Variants in LHX4 observed in about 807,000 individuals in gnomAD.
LHX4 encodes the protein LIM/homeobox protein Lhx4.
In LHX4, 16 loss-of-function variants were observed where a neutral mutation model predicts 39.2. That is an observed-to-expected ratio of 0.41 (90% CI 0.28 to 0.62). LHX4 has a LOEUF of 0.62. LHX4 is among the 20% of genes least tolerant of loss of function. The pLI is 0.33. For synonymous variants in LHX4, 206 were observed against 198.1 expected (o/e 1.04, Z -0.33); for missense variants, 439 against 511.9 (o/e 0.86, Z 1.37).
chr1:180,243,986 A>G (rs370746406), intron 1 of LHX4, among the ~76,000 whole-genome samples: 2 of 152,194 alleles, frequency 1.3e-5, no homozygotes, highest in East Asian at 3.9e-4. Context: ...AGCACAGTCT[A>G]TTGGTTGGAA....
intron 2 of LHX4, 138 bp downstream of exon 2, chr1:180,248,594 G>A: frequency 1.1e-6 from 1 of 896,150 alleles, no homozygotes; most frequent in Admixed American, 2.0e-5. Flanking sequence ...CTGGAGCTGA[G>A]AGGATGCCCC....
rs1007592830 is a variant in LHX4 at position 180,266,676 on chromosome 1, C to T, written c.451+82C>T. ...TCTGCCTGAGGTGCCCTTCTCATGG[C>T]GTCCCACCTGCCCATCCCTCAGAGC... On this transcript the variant is annotated intron_variant, in intron 3 of 5. Transcript: ENST00000263726. The surrounding 1 kb of genome is among the most constrained non-coding windows in gnomAD (Gnocchi z 5.7). 28 of 1,356,642 alleles carry T rather than the reference C, an allele frequency of 2.1e-5. No individual in the cohort carries two copies. The highest frequency in any genetic ancestry group is 1.5e-4 in the East Asian group (6 of 40,488). 84.0% of individuals were successfully genotyped at this position (1,356,642 alleles called of 1,614,324 possible).
At chr1:180,238,049 A>G (rs1208010191) in intron 1 of LHX4, among the ~76,000 whole-genome samples, 2 of 152,230 alleles carry the variant, frequency 1.3e-5, no homozygotes, top group African/African-American at 2.4e-5. Context: ...TTACGTGACA[A>G]TATATCACCT....
chr1:180,256,129 G>C (rs1314142879), intron 2 of LHX4, among the ~76,000 whole-genome samples: 2 of 152,216 alleles, frequency 1.3e-5, no homozygotes, highest in African/African-American at 4.8e-5. Flanking sequence ...TGCAGCCTCT[G>C]TGCCTTCAGG....
chr1:180,268,219 G>T (rs1648411933), intron 3 of LHX4, among the ~76,000 whole-genome samples: 1 of 152,180 alleles, frequency 6.6e-6, no homozygotes, highest in Non-Finnish European at 1.5e-5. Flanking sequence ...GACACCTTTG[G>T]AAGTCTAGTG....
At chr1:180,229,444 C>T (rs955283786), upstream of LHX4, among the ~76,000 whole-genome samples, 4 of 152,138 alleles carry the variant, frequency 2.6e-5, no homozygotes, top group African/African-American at 4.8e-5. Flanking sequence ...TGCGTCCCGC[C>T]ACCTCCGCGC....
In LHX4 at chr1:180,277,716, TTC is replaced by T. The variant is rs1206307873; in HGVS notation, c.*3141_*3142del. 1 of 152,200 alleles carries T rather than the reference TTC, an allele frequency of 6.6e-6. No individual in the cohort carries two copies. Among genetic ancestry groups the T allele is most frequent in the Non-Finnish European group, 1.5e-5 (1 of 68,044 alleles). 9.4% of individuals were successfully genotyped at this position (152,200 alleles called of 1,614,324 possible). ...GCAAATTCCTCTCAGTCTTTGTGCT[TTC>T]TCTTTCTTGTCTCATCTGACAGTTA... On this transcript the variant is annotated 3_prime_UTR_variant, in exon 6 of 6. Coordinates refer to ENST00000263726, the MANE Select transcript of LHX4 (RefSeq NM_033343.4).
intron 3 of LHX4, chr1:180,271,141 A>G: frequency 1.7e-6 from 1 of 577,718 alleles, no homozygotes; most frequent in South Asian, 1.9e-5. Flanking sequence ...GGGTTGAGGC[A>G]GGGAGCTGAG....
chr1:180,236,113 G>C (rs540661340), intron 1 of LHX4, among the ~76,000 whole-genome samples: 5 of 151,608 alleles, frequency 3.3e-5, no homozygotes, highest in Non-Finnish European at 7.4e-5. Flanking sequence ...TGAGGATTAG[G>C]GTAACGCGAG....
chr1:180,236,681 G>A (rs1333650110), intron 1 of LHX4, among the ~76,000 whole-genome samples: 1 of 152,178 alleles, frequency 6.6e-6, no homozygotes, highest in African/African-American at 2.4e-5. Flanking sequence ...TGGATGGGGG[G>A]CGGGTAGGTG....
At chr1:180,249,786 C>T (rs189364347) in intron 2 of LHX4, among the ~76,000 whole-genome samples, 9 of 152,314 alleles carry the variant, frequency 5.9e-5, no homozygotes, top group East Asian at 1.9e-4. Flanking sequence ...GTAACCAGTG[C>T]GTGGGGCTGC....
chr1:180,268,757 G>C (rs1056834252), intron 3 of LHX4, among the ~76,000 whole-genome samples: 1 of 152,200 alleles, frequency 6.6e-6, no homozygotes, highest in African/African-American at 2.4e-5. Flanking sequence ...CTGTTCCCCG[G>C]GTCCTTTCCT....
intron 3 of LHX4, among the ~76,000 whole-genome samples, chr1:180,269,140 T>TGGG (rs34208363): frequency 2.6e-5 from 4 of 151,468 alleles, no homozygotes; most frequent in African/African-American, 9.7e-5. Context: ...GTAGAGTGTG[T>TGGG]GGGGGGGGGG....
chr1:180,262,218 T>C (rs1194958184), intron 2 of LHX4, among the ~76,000 whole-genome samples: 1 of 148,190 alleles, frequency 6.7e-6, no homozygotes, highest in Non-Finnish European at 1.5e-5. Flanking sequence ...GTTAAAGGAG[T>C]CTTGGACCTT....
chr1:180,252,137 G>A (rs1260147671), intron 2 of LHX4, among the ~76,000 whole-genome samples: 4 of 152,162 alleles, frequency 2.6e-5, no homozygotes, highest in Admixed American at 2.6e-4. Flanking sequence ...GGCCACCTGG[G>A]GCTCTGGGGC....
intron 1 of LHX4, among the ~76,000 whole-genome samples, chr1:180,247,372 A>C (rs1647427383): frequency 6.6e-6 from 1 of 152,210 alleles, no homozygotes; most frequent in South Asian, 2.1e-4. Flanking sequence ...CTTTCAACTC[A>C]GTGGAGCCAG....
At chr1:180,231,422 C>T (rs1553278283) in intron 1 of LHX4, among the ~76,000 whole-genome samples, 3 of 151,874 alleles carry the variant, frequency 2.0e-5, no homozygotes, top group Non-Finnish European at 4.4e-5. Context: ...TGTTTATCCC[C>T]AAGTCTCTCT....
At chr1:180,235,564 G>A (rs547641912) in intron 1 of LHX4, among the ~76,000 whole-genome samples, 2 of 152,368 alleles carry the variant, frequency 1.3e-5, no homozygotes, top group South Asian at 4.1e-4. Flanking sequence ...TCTTCGGAGC[G>A]GGGAGGCCGC....
chr1:180,263,161 C>T (rs771209624), intron 2 of LHX4, among the ~76,000 whole-genome samples: 8 of 152,280 alleles, frequency 5.3e-5, no homozygotes, highest in South Asian at 2.1e-4. Flanking sequence ...TTTACCCCAG[C>T]GTCCTTCATA....
Sources: gnomAD v4.1 joint callset for allele counts (sites outside exome capture counted in the v4.1 genomes callset) on GRCh38, gnomAD v4.1.1 for gene constraint, Gnocchi (gnomAD v3.1) non-coding constraint, MANE v1.5 for transcripts, NCBI Gene and HGNC (gene_info 2026-07-23, HGNC 2026-07-21) for gene names.